EXOC1: variants seen among roughly 807,000 people sequenced by gnomAD.
EXOC1 encodes exocyst complex component 1, also known as SEC3-like 1.
EXOC1 carries 67 observed loss-of-function variants against 107.7 expected under a neutral mutation model. That is an observed-to-expected ratio of 0.62 (90% CI 0.51 to 0.76). EXOC1 has a LOEUF of 0.76. EXOC1 is among the 30% of genes least tolerant of loss of function. The pLI, the probability that EXOC1 is intolerant of heterozygous loss-of-function variation, is 0.00. For synonymous variants in EXOC1, 348 were observed against 353.5 expected, an observed-to-expected ratio of 0.98 and a Z score of 0.17; for missense variants, 833 against 1,055.7, an observed-to-expected ratio of 0.79 and a Z score of 2.92.
chr4:55,905,044 CAT>C lies in EXOC1; in HGVS notation c.*552_*553del, dbSNP rs1726448371. ...CATTTGATAATATTTTTAGGTCTAT[CAT>C]ATGCTGTCTTCTGTATTAAAGCAAG... On this transcript the variant is annotated 3_prime_UTR_variant, in exon 19 of 19. Transcript: ENST00000381295. 1 of 152,116 alleles carries C rather than the reference CAT, an allele frequency of 6.6e-6. No individual in the cohort carries two copies. Among genetic ancestry groups the C allele is most frequent in the Admixed American group, 6.6e-5 (1 of 15,258 alleles). 9.4% of individuals were successfully genotyped at this position (152,116 alleles called of 1,614,324 possible).
intron 5 of EXOC1, among the ~76,000 whole-genome samples, 179 bp from the exon 6 acceptor site, chr4:55,870,499 A>G (rs750055308): frequency 6.6e-6 from 1 of 152,262 alleles, no homozygotes; most frequent in Non-Finnish European, 1.5e-5. Flanking sequence ...TGTGTAAAAC[A>G]TGGAAGAACA....
At chr4:55,859,212 A>G (rs559374394) in intron 2 of EXOC1, among the ~76,000 whole-genome samples, 6 of 152,154 alleles carry the variant, frequency 3.9e-5, no homozygotes, top group Non-Finnish European at 8.8e-5. Flanking sequence ...CTATAGTTCA[A>G]TTTGGAGAGA....
intron 17 of EXOC1, chr4:55,900,543 T>G (rs954331887): frequency 6.6e-6 from 1 of 152,180 alleles, no homozygotes; most frequent in Non-Finnish European, 1.5e-5. Flanking sequence ...TTAAACTAAC[T>G]TTGTCTGCAA....
intron 10 of EXOC1, among the ~76,000 whole-genome samples, chr4:55,884,148 C>T (rs1320901226): frequency 2.0e-5 from 3 of 152,014 alleles, no homozygotes; most frequent in Non-Finnish European, 4.4e-5. Context: ...ACTGTGACAG[C>T]GATTGTGTAT....
intron 16 of EXOC1, 74 bp downstream of exon 16, chr4:55,896,974 A>G (rs1725279559): frequency 8.1e-7 from 1 of 1,228,862 alleles, no homozygotes; most frequent in East Asian, 2.6e-5. Context: ...AATCGGGAGC[A>G]GATAGGTTCA....
At chr4:55,854,347 G>T (rs1720757577) in intron 1 of EXOC1, among the ~76,000 whole-genome samples, 1 of 152,178 alleles carries the variant, frequency 6.6e-6, no homozygotes. Flanking sequence ...CACACAGTGT[G>T]GTGGTCCAAC....
At chr4:55,860,581 A>G (rs775146066) in intron 3 of EXOC1, 40 bp downstream of exon 3, 286 of 1,607,986 alleles carry the variant, frequency 1.8e-4, no homozygotes, top group Non-Finnish European at 2.2e-4. Context: ...TTCAGAAAGC[A>G]TCTTTCATTT....
chr4:55,876,779 C>T, intron 8 of EXOC1: 1 of 984,710 alleles, frequency 1.0e-6, no homozygotes, highest in Non-Finnish European at 1.2e-6. Context: ...TGTTTTCTAC[C>T]ATTTTATATG....
intron 16 of EXOC1, among the ~76,000 whole-genome samples, chr4:55,897,452 T>C (rs1411078155): frequency 6.6e-6 from 1 of 152,178 alleles, no homozygotes; most frequent in Non-Finnish European, 1.5e-5. Context: ...ATATCTACTA[T>C]ACAAGGAAAT....
intron 10 of EXOC1, among the ~76,000 whole-genome samples, chr4:55,887,200 A>G (rs1435309968): frequency 1.4e-5 from 2 of 144,130 alleles, no homozygotes; most frequent in Admixed American, 1.4e-4. Flanking sequence ...TAATACATAC[A>G]TTTACATAAT....
intron 8 of EXOC1, chr4:55,876,946 T>C (rs1313327452): frequency 1.0e-5 from 10 of 985,258 alleles, no homozygotes; most frequent in Admixed American, 6.2e-5. Context: ...GCATGTCTTA[T>C]ACTCCCATCT....
intron 9 of EXOC1, among the ~76,000 whole-genome samples, chr4:55,879,547 G>A (rs1315513932): frequency 6.6e-6 from 1 of 152,164 alleles, no homozygotes; most frequent in African/African-American, 2.4e-5. Flanking sequence ...TGCAGGGTAG[G>A]GAGGGGAGAT....
intron 1 of EXOC1, among the ~76,000 whole-genome samples, chr4:55,857,234 A>G (rs1387140835): frequency 8.9e-6 from 1 of 112,436 alleles, no homozygotes; most frequent in Non-Finnish European, 1.6e-5. Context: ...GCTGTAGTGC[A>G]GTGGCGCAGT....
At position 55,902,400 on chromosome 4, in the gene EXOC1, A is replaced by C. The variant is rs1726063148; in HGVS notation, c.2394A>C (p.Val798=). ...CACAGGGCATAAGGGAGGAGGAAGT[A>C]AGTTACCAACTTGCATTTAACAAAC... ...RVAQGIREEE[V]SYQLAFNKQE... The change falls in exon 18 of 19, where the codon GTA becomes GTC. Residue 798 remains valine (V), a synonymous_variant. Coordinates refer to ENST00000381295, the MANE Select transcript of EXOC1 (RefSeq NM_001024924.2). 4 of 1,581,492 alleles carry C rather than the reference A, an allele frequency of 2.5e-6. No homozygotes were observed. Among genetic ancestry groups the C allele is most frequent in the Non-Finnish European group, 3.4e-6 (4 of 1,166,872 alleles).
intron 1 of EXOC1, among the ~76,000 whole-genome samples, chr4:55,856,711 A>G (rs1721002347): frequency 6.6e-6 from 1 of 152,238 alleles, no homozygotes; most frequent in Admixed American, 6.5e-5. Context: ...AAATATGTAT[A>G]TGAAAAATAA....
In EXOC1 at chr4:55,902,467, G is replaced by C. The variant is rs1347832928; in HGVS notation, c.2461G>C (p.Val821Leu). 6.3e-6 allele frequency: 10 copies of C among 1,576,222 alleles called. No individual in the cohort carries two copies. ...CATTAAGGAGTACCCTGGAAAGGAA[G>C]TAAAAAAAGGTCTAGATAACCTCTA... ...KVIKEYPGKE[V>L]KKGLDNLYKK... The change falls in exon 18 of 19, where the codon GTA becomes CTA. Residue 821 changes from valine (V) to leucine (L), a missense_variant. By Grantham distance (32) the Val-to-Leu change is conservative (BLOSUM62 1). Around this residue, in one of 2 missense-constraint regions of EXOC1, gnomAD observed 216 missense variants for 354.4 expected, o/e 0.61. Transcript: ENST00000381295.
chr4:55,891,651 A>G (rs1203537261), intron 13 of EXOC1, among the ~76,000 whole-genome samples: 1 of 152,234 alleles, frequency 6.6e-6, no homozygotes, highest in Admixed American at 6.5e-5. Context: ...TCAGAATATT[A>G]CAAGCCTAAA....
Position 55,871,852 on chromosome 4 carries a change from A to G in EXOC1, c.968A>G (p.His323Arg), listed in dbSNP as rs1054967404. The change falls in exon 8 of 19, where the codon CAT (histidine) becomes CGT (arginine). Residue 323 changes from histidine (H) to arginine (R), a missense_variant. Around this residue, in one of 2 missense-constraint regions of EXOC1, gnomAD observed 617 missense variants for 701.3 expected, o/e 0.88. Coordinates refer to ENST00000381295, the MANE Select transcript of EXOC1 (RefSeq NM_001024924.2). ...ACAAAATGTCGTTCTGTGTCAGGCC[A>G]TGACTTGCTTCTGGCAGTCAAACAG... ...QCMNVALRPG[H>R]DLLLAVKQQQ... The G allele has an allele frequency of 2.5e-6, 4 of 1,613,580 alleles. No individual in the cohort carries two copies. Among genetic ancestry groups the G allele is most frequent in the Non-Finnish European group, 3.4e-6 (4 of 1,179,760 alleles).
intron 4 of EXOC1, chr4:55,866,801 G>A: frequency 5.4e-6 from 5 of 926,528 alleles, no homozygotes; most frequent in Non-Finnish European, 6.4e-6. Context: ...ATTTAAGCCT[G>A]TTTACTTTTC....
Sources: allele counts gnomAD v4.1 joint callset (sites outside exome capture counted in the v4.1 genomes callset), GRCh38; gene constraint gnomAD v4.1.1; regional missense constraint gnomAD v4.1.1; transcripts MANE v1.5; gene names NCBI Gene and HGNC (gene_info 2026-07-23, HGNC 2026-07-21).